Variants in TDG observed in about 807,000 individuals in gnomAD.
TDG encodes the protein thymine DNA glycosylase, also known as G/T mismatch-specific thymine DNA glycosylase.
In TDG, 23 loss-of-function variants were observed where a neutral mutation model predicts 46.1. The observed-to-expected ratio is 0.50, with a 90% CI of 0.36 to 0.71. TDG has a LOEUF of 0.71. Among genes scored for constraint, TDG ranks in the 30% least tolerant of loss-of-function variants. The pLI, the probability that TDG is intolerant of heterozygous loss-of-function variation, is 0.00. For synonymous variants in TDG, 115 were observed against 161.3 expected, an observed-to-expected ratio of 0.71 and a Z score of 2.18; for missense variants, 304 against 486.7, an observed-to-expected ratio of 0.62 and a Z score of 3.53.
chr12:103,977,679 T>G (rs771234342), intron 2 of TDG, among the ~76,000 whole-genome samples: 1 of 152,252 alleles, frequency 6.6e-6, no homozygotes, highest in Non-Finnish European at 1.5e-5. Flanking sequence ...GTTGAGAGAA[T>G]GTAAGCAAGG....
Position 103,987,531 on chromosome 12 carries a change from T to C in TDG, c.*441T>C, listed in dbSNP as rs1872232910. 1 of 156,530 alleles carries C rather than the reference T, an allele frequency of 6.4e-6. No homozygotes were observed. The highest frequency in any genetic ancestry group is 1.9e-4 in the South Asian group (1 of 5,338). 9.7% of individuals were successfully genotyped at this position (156,530 alleles called of 1,614,324 possible). ...AGGTGTTGATTTTTGTATATGAAGT[T>C]AAGCCTCAGTGGAGTCTCATTTGTT... On this transcript the variant is annotated 3_prime_UTR_variant, in exon 10 of 10. Coordinates refer to ENST00000392872, the MANE Select transcript of TDG (RefSeq NM_003211.6).
At chr12:103,985,968 A>G (rs150368458) in intron 9 of TDG, among the ~76,000 whole-genome samples, 80 of 152,254 alleles carry the variant, frequency 5.3e-4, no homozygotes, top group Admixed American at 9.2e-4. Context: ...CACCCAGGCT[A>G]GAGTGCAGTG....
chr12:103,972,904 A>G, intron 1 of TDG: 2 of 621,304 alleles, frequency 3.2e-6, no homozygotes, highest in Admixed American at 2.8e-5. Context: ...AATTTTTTTA[A>G]AGTAAAGAAT....
At chr12:103,976,677 A>G (rs1245743424) in intron 1 of TDG, among the ~76,000 whole-genome samples, 2 of 152,210 alleles carry the variant, frequency 1.3e-5, no homozygotes, top group African/African-American at 4.8e-5. Context: ...CAGTTTTATC[A>G]GTGACACATC....
intron 8 of TDG, among the ~76,000 whole-genome samples, chr12:103,985,166 T>TACATACACAC (rs1555275231): frequency 0.048 from 6,655 of 138,316 alleles, 245 homozygotes; most frequent in East Asian, 0.11. Flanking sequence ...TATAGACACA[T>TACATACACAC]ACACACACAC....
chr12:103,969,196 T>G (rs1454447108), intron 1 of TDG, among the ~76,000 whole-genome samples: 1 of 152,238 alleles, frequency 6.6e-6, no homozygotes, highest in African/African-American at 2.4e-5. Flanking sequence ...TTAGGTACTA[T>G]TCCCATTTTA....
chr12:103,975,720 G>A (rs1030165789), intron 1 of TDG, among the ~76,000 whole-genome samples: 11 of 151,984 alleles, frequency 7.2e-5, no homozygotes, highest in Admixed American at 6.6e-5. Context: ...GGAGTGCAGT[G>A]GTACAATCTC....
At chr12:103,970,253 G>A (rs1461097418) in intron 1 of TDG, among the ~76,000 whole-genome samples, 1 of 152,164 alleles carries the variant, frequency 6.6e-6, no homozygotes, top group Non-Finnish European at 1.5e-5. Flanking sequence ...CAAGGTGGGA[G>A]GATCACTTGA....
chr12:103,987,885 G>A lies in TDG; in HGVS notation c.*795G>A, dbSNP rs1370868830. 17 of 152,604 alleles carry A rather than the reference G, an allele frequency of 1.1e-4. No individual in the cohort carries two copies. Among genetic ancestry groups the A allele is most frequent in the African/African-American group, 3.4e-4 (14 of 41,458 alleles). 9.5% of individuals were successfully genotyped at this position (152,604 alleles called of 1,614,324 possible). A position where few individuals can be genotyped will look rare whatever the true frequency, so the allele number is the denominator to read the frequency against. ...CTAGTTTTATCTTCCTTGGCTTTAA[G>A]AGTGTGCCATGGAAAGTGATAAGAA... On this transcript the variant is annotated 3_prime_UTR_variant, in exon 10 of 10. Transcript: ENST00000392872.
At chr12:103,985,166 TAC>T (rs375705839) in intron 8 of TDG, among the ~76,000 whole-genome samples, 3,486 of 138,488 alleles carry the variant, frequency 0.025, 59 homozygotes, top group Middle Eastern at 0.047. Context: ...TATAGACACA[TAC>T]ACACACACAC....
At position 103,976,936 on chromosome 12, in the gene TDG, T is replaced by C; in HGVS notation, c.42T>C (p.Ala14=). ...ENAGSYSLQQ[A]QAFYTFPFQQ... ...CTTTCAGCTATTCCCTTCAGCAAGC[T>C]CAAGCTTTTTATACGTTTCCATTTC... Residue 14 remains alanine (A), a synonymous_variant, in exon 2 of 10, where the codon GCT becomes GCC. Coordinates refer to ENST00000392872, the MANE Select transcript of TDG (RefSeq NM_003211.6). 6.2e-7 allele frequency: 1 copy of C among 1,613,876 alleles called. No individual in the cohort carries two copies. The highest frequency in any genetic ancestry group is 2.2e-5 in the East Asian group (1 of 44,890).
intron 1 of TDG, among the ~76,000 whole-genome samples, chr12:103,971,541 G>A (rs1291154043): frequency 2.6e-5 from 4 of 152,140 alleles, no homozygotes; most frequent in Admixed American, 2.6e-4. Context: ...GGGTGACAGA[G>A]CGAGACTCTG....
At chr12:103,968,545 G>T (rs1871162193) in intron 1 of TDG, among the ~76,000 whole-genome samples, 1 of 152,184 alleles carries the variant, frequency 6.6e-6, no homozygotes, top group Non-Finnish European at 1.5e-5. Flanking sequence ...CAAAATGATT[G>T]TCTGACTGGA....
At chr12:103,974,202 A>G (rs1566179007) in intron 1 of TDG, among the ~76,000 whole-genome samples, 1 of 151,866 alleles carries the variant, frequency 6.6e-6, no homozygotes, top group African/African-American at 2.4e-5. Flanking sequence ...TTTCCTGTTA[A>G]CCATTTTATT....
At chr12:103,979,172 A>G (rs1248104270) in intron 2 of TDG, among the ~76,000 whole-genome samples, 1 of 133,932 alleles carries the variant, frequency 7.5e-6, no homozygotes, top group Non-Finnish European at 1.5e-5. Context: ...GCATGATCTC[A>G]GCTCACTGCA....
chr12:103,979,671 G>A (rs932395351), intron 2 of TDG, among the ~76,000 whole-genome samples, 160 bp from the exon 3 acceptor site: 1 of 152,156 alleles, frequency 6.6e-6, no homozygotes, highest in Admixed American at 6.5e-5. Flanking sequence ...TAGGGAGAAA[G>A]AAAGGGAAGA....
At chr12:103,978,720 T>C (rs1871658062) in intron 2 of TDG, among the ~76,000 whole-genome samples, 1 of 152,156 alleles carries the variant, frequency 6.6e-6, no homozygotes, top group African/African-American at 2.4e-5. Flanking sequence ...GTTGGGTAAC[T>C]ATAGGTCAGT....
intron 2 of TDG, among the ~76,000 whole-genome samples, chr12:103,979,465 A>C (rs151133417): frequency 1.3e-5 from 2 of 151,490 alleles, no homozygotes; most frequent in Admixed American, 1.3e-4. Context: ...CTGTTTCTCT[A>C]TTTTTCTGTT....
chr12:103,986,079 C>T (rs1872142228), intron 9 of TDG, among the ~76,000 whole-genome samples: 1 of 152,022 alleles, frequency 6.6e-6, no homozygotes, highest in Non-Finnish European at 1.5e-5. Context: ...GCCACGATGC[C>T]TGGCTAATTT....
Sources: allele counts gnomAD v4.1 joint callset (sites outside exome capture counted in the v4.1 genomes callset), GRCh38; gene constraint gnomAD v4.1.1; transcripts MANE v1.5; gene names NCBI Gene and HGNC (gene_info 2026-07-23, HGNC 2026-07-21).